C1orf21: variants seen among roughly 807,000 people sequenced by gnomAD.
C1orf21 encodes uncharacterized protein C1orf21.
C1orf21 carries 3 observed loss-of-function variants against 18.7 expected under a neutral mutation model. The ratio of observed to expected loss-of-function variants is 0.16; its 90% CI spans 0.07 to 0.42. C1orf21 has a LOEUF of 0.42. Ranked by LOEUF, C1orf21 falls within the 10% of genes least tolerant of loss-of-function variation. C1orf21 has a pLI of 0.99. For synonymous variants in C1orf21, 41 were observed against 46.4 expected (o/e 0.88, Z 0.47); for missense variants, 104 against 143.6 (o/e 0.72, Z 1.41).
intron 2 of C1orf21, among the ~76,000 whole-genome samples, chr1:184,504,285 G>A (rs1395321484): frequency 6.6e-6 from 1 of 152,102 alleles, no homozygotes; most frequent in African/African-American, 2.4e-5. Flanking sequence ...AAGCTGGGGG[G>A]AGCCGAAGGA....
intron 1 of C1orf21, among the ~76,000 whole-genome samples, chr1:184,440,518 C>T (rs987635533): frequency 1.3e-5 from 2 of 150,614 alleles, no homozygotes; most frequent in African/African-American, 4.9e-5. Flanking sequence ...TCCCAAAGTG[C>T]TGGGATTACA....
At chr1:184,553,403 T>C (rs1452378224) in intron 3 of C1orf21, among the ~76,000 whole-genome samples, 1 of 152,214 alleles carries the variant, frequency 6.6e-6, no homozygotes, top group Non-Finnish European at 1.5e-5. Flanking sequence ...CCTACAAAAG[T>C]GAGTGCCTGC....
At chr1:184,445,371 TC>T (rs1657013358) in intron 1 of C1orf21, among the ~76,000 whole-genome samples, 2 of 151,682 alleles carry the variant, frequency 1.3e-5, no homozygotes. Context: ...TCTCTCTCTC[TC>T]TCGCAAGGAG....
intron 1 of C1orf21, among the ~76,000 whole-genome samples, chr1:184,446,986 A>G (rs1460840144): frequency 6.6e-6 from 1 of 151,862 alleles, no homozygotes; most frequent in African/African-American, 2.4e-5. Context: ...GAAATTTTCC[A>G]TAAGAAAATA....
intron 1 of C1orf21, among the ~76,000 whole-genome samples, chr1:184,428,102 G>C (rs144545354): frequency 6.6e-6 from 1 of 152,168 alleles, no homozygotes; most frequent in African/African-American, 2.4e-5. Flanking sequence ...CACTTCAGTG[G>C]GTGTTGTGAG....
At chr1:184,399,122 A>G (rs1473437002) in intron 1 of C1orf21, among the ~76,000 whole-genome samples, 1 of 152,100 alleles carries the variant, frequency 6.6e-6, no homozygotes, top group Non-Finnish European at 1.5e-5. Context: ...TCTTATTTAC[A>G]GGCTTTCTTT....
At chr1:184,397,070 C>A (rs996244622) in intron 1 of C1orf21, among the ~76,000 whole-genome samples, 47 of 152,130 alleles carry the variant, frequency 3.1e-4, no homozygotes, top group African/African-American at 1.1e-3. Flanking sequence ...AGGGAACCCC[C>A]GTGTTTCAGA....
intron 3 of C1orf21, among the ~76,000 whole-genome samples, chr1:184,570,929 T>C (rs1659099220): frequency 6.6e-6 from 1 of 152,228 alleles, no homozygotes; most frequent in Admixed American, 6.5e-5. Context: ...AGCATGTCAC[T>C]GAGCTGAATC....
chr1:184,463,082 C>CA (rs397982231), intron 1 of C1orf21, among the ~76,000 whole-genome samples: 3,472 of 79,972 alleles, frequency 0.043, 122 homozygotes, highest in South Asian at 0.081. Flanking sequence ...GACTCCATCT[C>CA]AAAAAAAAAA....
intron 3 of C1orf21, among the ~76,000 whole-genome samples, chr1:184,525,482 C>T (rs895046345): frequency 1.3e-5 from 2 of 151,896 alleles, no homozygotes; most frequent in African/African-American, 4.8e-5. Context: ...GAAATATTGG[C>T]TTGGGGTTCC....
At chr1:184,479,613 CTTTTT>C (rs55840285) in intron 2 of C1orf21, among the ~76,000 whole-genome samples, 2 of 62,214 alleles carry the variant, frequency 3.2e-5, no homozygotes, top group Non-Finnish European at 5.8e-5. Flanking sequence ...TCCCATAGGT[CTTTTT>C]TTTTTTTTTT....
At chr1:184,584,133 CTT>C (rs386368968) in intron 3 of C1orf21, among the ~76,000 whole-genome samples, 15 of 113,234 alleles carry the variant, frequency 1.3e-4, no homozygotes, top group African/African-American at 5.1e-4. Flanking sequence ...TGTTCTTCTT[CTT>C]TTTTTTTTTT....
intron 1 of C1orf21, among the ~76,000 whole-genome samples, chr1:184,415,081 T>C (rs905904288): frequency 6.6e-6 from 1 of 152,222 alleles, no homozygotes; most frequent in Admixed American, 6.5e-5. Context: ...GAGACATACC[T>C]TCCTTTGGTT....
At chr1:184,578,066 C>T (rs1483111385) in intron 3 of C1orf21, among the ~76,000 whole-genome samples, 3 of 151,204 alleles carry the variant, frequency 2.0e-5, no homozygotes, top group Non-Finnish European at 4.4e-5. Context: ...AAGCAATTCT[C>T]CTGCCTCAGC....
At chr1:184,610,825 C>T (rs1659724127) in intron 5 of C1orf21, among the ~76,000 whole-genome samples, 1 of 138,096 alleles carries the variant, frequency 7.2e-6, no homozygotes, top group Non-Finnish European at 1.5e-5. Flanking sequence ...CCAGCCTGAG[C>T]AACAGAGCGA....
chr1:184,572,441 TAGAC>T (rs1280109727), intron 3 of C1orf21, among the ~76,000 whole-genome samples: 3 of 152,214 alleles, frequency 2.0e-5, no homozygotes, highest in Admixed American at 6.5e-5. Flanking sequence ...AAATGACTGT[TAGAC>T]AGCAGATGTA....
intron 3 of C1orf21, among the ~76,000 whole-genome samples, chr1:184,572,294 C>A (rs1659123254): frequency 6.6e-6 from 1 of 152,128 alleles, no homozygotes; most frequent in Admixed American, 6.5e-5. Flanking sequence ...TGTATTCTAG[C>A]AGTTTATCAT....
At chr1:184,392,431 G>A (rs10797963) in intron 1 of C1orf21, among the ~76,000 whole-genome samples, 125,360 of 152,054 alleles carry the variant, frequency 0.82, 51,982 homozygotes, top group South Asian at 0.9. Flanking sequence ...GACACTGGAG[G>A]CTCCAAAAGA....
intron 3 of C1orf21, among the ~76,000 whole-genome samples, chr1:184,511,028 G>T (rs1658135614): frequency 6.6e-6 from 1 of 152,176 alleles, no homozygotes; most frequent in Non-Finnish European, 1.5e-5. Flanking sequence ...TCAGGAGATG[G>T]TAATGCCAAG....
Sources: allele counts gnomAD v4.1 joint callset (sites outside exome capture counted in the v4.1 genomes callset), GRCh38; gene constraint gnomAD v4.1.1; transcripts MANE v1.5; gene names NCBI Gene and HGNC (gene_info 2026-07-23, HGNC 2026-07-21).